The following C8orf34 variants were observed in gnomAD, a reference collection of about 807,000 sequenced individuals.
C8orf34 encodes uncharacterized protein C8orf34.
C8orf34 carries 65 observed loss-of-function variants against 68.3 expected under a neutral mutation model. The observed-to-expected ratio is 0.95, with a 90% confidence interval of 0.78 to 1.17. The LOEUF (loss-of-function observed/expected upper bound fraction) is 1.17, where lower values mean the gene tolerates loss of function less well. Among genes scored for constraint, C8orf34 ranks in the 50% most tolerant of loss-of-function variants. The pLI is 0.00. For missense variants in C8orf34, 664 were observed against 655.4 expected (o/e 1.01, Z -0.14); for synonymous variants, 244 against 241.2 (o/e 1.01, Z -0.11).
At chr8:68,695,150 T>G (rs1820790615) in intron 8 of C8orf34, among the ~76,000 whole-genome samples, 1 of 126,662 alleles carries the variant, frequency 7.9e-6, no homozygotes, top group South Asian at 2.4e-4. Context: ...GTTTATTCCT[T>G]TTTTTTTTTT....
At chr8:68,715,072 C>T (rs1185662050) in intron 9 of C8orf34, among the ~76,000 whole-genome samples, 4 of 152,072 alleles carry the variant, frequency 2.6e-5, no homozygotes, top group African/African-American at 7.2e-5. Flanking sequence ...TGGCAAGCCA[C>T]ATGTAGAAGA....
intron 1 of C8orf34, among the ~76,000 whole-genome samples, chr8:68,401,373 C>T (rs2129621244): frequency 6.6e-6 from 1 of 152,248 alleles, no homozygotes; most frequent in East Asian, 1.9e-4. Flanking sequence ...TTATTCCTGT[C>T]TCTTGCCTAA....
At chr8:68,515,099 A>G (rs1032870356) in intron 5 of C8orf34, among the ~76,000 whole-genome samples, 2 of 152,184 alleles carry the variant, frequency 1.3e-5, no homozygotes, top group Admixed American at 1.3e-4. Flanking sequence ...TATTGTAATC[A>G]TTTCATGCTA....
chr8:68,537,441 T>C (rs952490801), intron 7 of C8orf34, among the ~76,000 whole-genome samples: 2 of 151,344 alleles, frequency 1.3e-5, no homozygotes, highest in African/African-American at 2.4e-5. Context: ...TCATAAGAAA[T>C]CTAAGGACTT....
At chr8:68,728,348 T>C (rs1481106038) in intron 10 of C8orf34, among the ~76,000 whole-genome samples, 1 of 152,216 alleles carries the variant, frequency 6.6e-6, no homozygotes, top group Non-Finnish European at 1.5e-5. Context: ...ATTCAACAAG[T>C]GTCTAGAAAG....
intron 1 of C8orf34, among the ~76,000 whole-genome samples, chr8:68,345,678 T>TATAC (rs1318254457): frequency 6.6e-6 from 1 of 152,026 alleles, no homozygotes; most frequent in East Asian, 1.9e-4. Context: ...GAAGCTTGAT[T>TATAC]ATACATACAT....
chr8:68,725,748 AGTGCCC>A (rs1398544553), intron 10 of C8orf34, among the ~76,000 whole-genome samples: 2 of 152,320 alleles, frequency 1.3e-5, no homozygotes, highest in Non-Finnish European at 2.9e-5. Context: ...CATGGTTCCC[AGTGCCC>A]AAACTGTCTT....
At chr8:68,781,738 A>G (rs1823685032) in intron 11 of C8orf34, among the ~76,000 whole-genome samples, 1 of 152,214 alleles carries the variant, frequency 6.6e-6, no homozygotes, top group Non-Finnish European at 1.5e-5. Flanking sequence ...AAACCAAAGT[A>G]AAACATTTAA....
chr8:68,584,481 A>G (rs921012816), intron 7 of C8orf34, among the ~76,000 whole-genome samples: 1 of 152,182 alleles, frequency 6.6e-6, no homozygotes, highest in Non-Finnish European at 1.5e-5. Context: ...ATCCATTTTG[A>G]TATGTATATT....
At chr8:68,554,661 C>T (rs1299544054) in intron 7 of C8orf34, among the ~76,000 whole-genome samples, 1 of 152,062 alleles carries the variant, frequency 6.6e-6, no homozygotes, top group Non-Finnish European at 1.5e-5. Context: ...TGCATTATCA[C>T]ATTTAATTTT....
chr8:68,562,265 T>C (rs1816454383), intron 7 of C8orf34, among the ~76,000 whole-genome samples: 1 of 152,180 alleles, frequency 6.6e-6, no homozygotes, highest in African/African-American at 2.4e-5. Flanking sequence ...CTGTTGTATA[T>C]GTGGTCCCTC....
intron 10 of C8orf34, among the ~76,000 whole-genome samples, chr8:68,739,954 C>G (rs1328800476): frequency 2.6e-5 from 4 of 152,062 alleles, no homozygotes; most frequent in Non-Finnish European, 5.9e-5. Context: ...AAGCTGCACA[C>G]CTACAACTAT....
intron 5 of C8orf34, among the ~76,000 whole-genome samples, chr8:68,500,806 T>C (rs1206735815): frequency 6.6e-6 from 1 of 152,172 alleles, no homozygotes; most frequent in East Asian, 1.9e-4. Context: ...TACAGAATTT[T>C]TTTTTCTTTT....
chr8:68,561,657 C>T (rs1405303016), intron 7 of C8orf34, among the ~76,000 whole-genome samples: 3 of 152,114 alleles, frequency 2.0e-5, no homozygotes, highest in African/African-American at 7.2e-5. Flanking sequence ...ACTTGGGAGG[C>T]TGAGGCAGGA....
At chr8:68,721,078 G>A (rs1241169710) in intron 9 of C8orf34, among the ~76,000 whole-genome samples, 1 of 151,912 alleles carries the variant, frequency 6.6e-6, no homozygotes. Context: ...CAATTAGCTG[G>A]ATAATATGCC....
intron 7 of C8orf34, among the ~76,000 whole-genome samples, chr8:68,601,520 A>C (rs915776386): frequency 1.3e-5 from 2 of 152,006 alleles, no homozygotes; most frequent in African/African-American, 4.8e-5. Context: ...TCCATCCTGT[A>C]AGTTTTTAAA....
chr8:68,355,643 T>C (rs534168732), intron 1 of C8orf34, among the ~76,000 whole-genome samples: 20 of 152,266 alleles, frequency 1.3e-4, no homozygotes, highest in African/African-American at 4.8e-4. Flanking sequence ...GCATCTGTTC[T>C]TTTAGGTTGT....
rs536107139 is a variant in C8orf34, at chr8:68,531,682, C to T, written c.939-1301C>T. Among the ~76,000 whole-genome samples, 14 of 152,050 alleles carry T rather than the reference C, an allele frequency of 9.2e-5. No homozygotes were observed. The South Asian group carries it at 2.7e-3, about 29-fold the overall frequency. On this transcript the variant is annotated intron_variant, in intron 6 of 13. Coordinates refer to ENST00000518698, the MANE Select transcript of C8orf34 (RefSeq NM_052958.4). ...CAGTTGCCCTTTCTAATTAACAAGT[C>T]GTGTCACTTCTGCTTGGACAAGATG...
chr8:68,790,159 G>T (rs547649377), intron 12 of C8orf34, among the ~76,000 whole-genome samples: 3 of 152,306 alleles, frequency 2.0e-5, no homozygotes, highest in African/African-American at 7.2e-5. Flanking sequence ...AGCCACTGAA[G>T]CATTGGTATC....
Sources: gnomAD v4.1 joint callset for allele counts (sites outside exome capture counted in the v4.1 genomes callset) on GRCh38, gnomAD v4.1.1 for gene constraint, MANE v1.5 for transcripts, NCBI Gene and HGNC (gene_info 2026-07-23, HGNC 2026-07-21) for gene names.